The following TESC variants were observed in gnomAD, a reference collection of about 807,000 sequenced individuals.
The protein encoded by TESC is tescalcin.
A neutral mutation model predicts 31.0 loss-of-function variants in TESC; 19 were observed. The ratio of observed to expected loss-of-function variants is 0.61; its 90% CI spans 0.43 to 0.90. The LOEUF is 0.90. Among genes scored for constraint, TESC ranks in the 40% least tolerant of loss-of-function variants. TESC has a pLI of 0.00. For missense variants in TESC, 248 were observed against 303.8 expected (o/e 0.82, Z 1.36); for synonymous variants, 109 against 114.8 (o/e 0.95, Z 0.32).
chr12:117,061,133 T>C (rs1251597070), intron 2 of TESC, among the ~76,000 whole-genome samples: 1 of 152,078 alleles, frequency 6.6e-6, no homozygotes, highest in Non-Finnish European at 1.5e-5. Context: ...TTAGAGGAGA[T>C]AAAGTCTGCA....
At chr12:117,050,961 A>G (rs975893602) in intron 3 of TESC, among the ~76,000 whole-genome samples, 56 of 152,166 alleles carry the variant, frequency 3.7e-4, no homozygotes, top group African/African-American at 1.4e-3. Flanking sequence ...GATGACTCCA[A>G]ACCCAAGCTC....
rs142166153 is a variant in TESC at position 117,043,487 on chromosome 12, C to T, written c.520-1493G>A. Among the ~76,000 whole-genome samples, 607 of 152,164 alleles carry T rather than the reference C, an allele frequency of 4.0e-3. 7 individuals carry two copies. Among genetic ancestry groups the T allele is most frequent in the Non-Finnish European group, 4.9e-3 (334 of 68,002 alleles). On this transcript the variant is annotated intron_variant, in intron 6 of 7. Coordinates refer to ENST00000335209, the MANE Select transcript of TESC (RefSeq NM_017899.4). ...TTGTTTTGTTTTTGAGACAGAGTCT[C>T]GCTCTGTTGCCCAGGCTGGAGGAGT... is the stretch of plus-strand genomic sequence containing the variant.
chr12:117,039,140 C>T lies in TESC; in HGVS notation c.638G>A (p.Cys213Tyr). The change falls in exon 8 of 8, where the codon TGC becomes TAC. Residue 213 changes from cysteine to tyrosine, a missense_variant. Coordinates refer to ENST00000335209, the MANE Select transcript of TESC (RefSeq NM_017899.4). ...RFLNMETMAL[C>Y]H is the part of the protein sequence containing the mutation. ...CGCGGAGGTGGCGGTGGGTCAGTGGCAGAGGGCCATGGTTTCCATGTTAAG... is the reference window on the plus strand; with the variant it reads ...CGCGGAGGTGGCGGTGGGTCAGTGGTAGAGGGCCATGGTTTCCATGTTAAG... 1.2e-6 allele frequency: 2 copies of T among 1,613,992 alleles called. No homozygotes were observed. The highest frequency in any genetic ancestry group is 1.3e-5 in the African/African-American group (1 of 75,066).
chr12:117,054,875 C>T (rs983576919), intron 3 of TESC, among the ~76,000 whole-genome samples: 3 of 152,124 alleles, frequency 2.0e-5, no homozygotes, highest in African/African-American at 4.8e-5. Context: ...AACAGGCTGG[C>T]GGGCCTCACT....
At chr12:117,074,659 T>C (rs2135783938) in intron 2 of TESC, among the ~76,000 whole-genome samples, 1 of 152,260 alleles carries the variant, frequency 6.6e-6, no homozygotes, top group Non-Finnish European at 1.5e-5. Flanking sequence ...GGAAGGACCC[T>C]GGGATTTAAC....
intron 2 of TESC, among the ~76,000 whole-genome samples, chr12:117,060,116 A>G (rs908256079): frequency 2.6e-5 from 4 of 152,208 alleles, no homozygotes; most frequent in African/African-American, 9.7e-5. Flanking sequence ...AGTGGACTGT[A>G]CATTTTCAAT....
Position 117,049,760 on chromosome 12 carries a change from G to A in TESC, c.210-602C>T, listed in dbSNP as rs1181761962. On this transcript the variant is annotated intron_variant, in intron 3 of 7. Coordinates refer to ENST00000335209, the MANE Select transcript of TESC (RefSeq NM_017899.4). ...TAATAAAAATGCAAAAATTAGCTGG[G>A]CATGGTGGTGTGCACCTGTAGTCCC... Among the ~76,000 whole-genome samples, 3 of 152,032 alleles carry A rather than the reference G, an allele frequency of 2.0e-5. No individual in the cohort carries two copies. The South Asian group carries it at 6.2e-4, about 32-fold the overall frequency.
chr12:117,075,939 A>ATATATATATATATGTGTGTG (rs1565971757), intron 1 of TESC, among the ~76,000 whole-genome samples: 2 of 104,016 alleles, frequency 1.9e-5, no homozygotes, highest in African/African-American at 4.8e-5. Flanking sequence ...ATATATATAT[A>ATATATATATATATGTGTGTG]TGTATATATA....
chr12:117,041,275 C>T (rs558638406), intron 7 of TESC, among the ~76,000 whole-genome samples: 3 of 152,088 alleles, frequency 2.0e-5, no homozygotes, highest in African/African-American at 4.8e-5. Flanking sequence ...ACTGAGCTTC[C>T]GAGAAACACT....
At chr12:117,060,617 G>A (rs1291270098) in intron 2 of TESC, among the ~76,000 whole-genome samples, 5 of 152,096 alleles carry the variant, frequency 3.3e-5, no homozygotes, top group East Asian at 3.8e-4. Context: ...GAGCCACCTC[G>A]CTTCCCAGAG....
intron 1 of TESC, among the ~76,000 whole-genome samples, chr12:117,087,093 GAT>G (rs1165903698): frequency 6.6e-6 from 1 of 152,200 alleles, no homozygotes; most frequent in East Asian, 1.9e-4. Context: ...CATGATGCTG[GAT>G]GCTGGCTCCT....
At chr12:117,080,225 C>T (rs12308220) in intron 1 of TESC, among the ~76,000 whole-genome samples, 6,120 of 152,160 alleles carry the variant, frequency 0.04, 424 homozygotes, top group African/African-American at 0.14. Flanking sequence ...TCCAGCACTT[C>T]GGGAGGCTGA....
intron 6 of TESC, among the ~76,000 whole-genome samples, chr12:117,042,463 C>T (rs896767128): frequency 2.6e-5 from 4 of 152,220 alleles, no homozygotes; most frequent in African/African-American, 9.6e-5. Context: ...AGATTCCAGG[C>T]TAATCTAAGC....
intron 2 of TESC, among the ~76,000 whole-genome samples, chr12:117,061,579 C>T (rs962179639): frequency 6.6e-6 from 1 of 152,108 alleles, no homozygotes; most frequent in Non-Finnish European, 1.5e-5. Context: ...GAGCTGGGGA[C>T]ACAGTGTCCC....
At chr12:117,089,183 A>G (rs568962256) in intron 1 of TESC, among the ~76,000 whole-genome samples, 18 of 152,370 alleles carry the variant, frequency 1.2e-4, no homozygotes, top group African/African-American at 3.8e-4. Flanking sequence ...TGAGCCACAC[A>G]CTGGTGAAAA....
At chr12:117,047,300 A>G (rs1005427587) in intron 4 of TESC, among the ~76,000 whole-genome samples, 37 of 152,194 alleles carry the variant, frequency 2.4e-4, no homozygotes, top group African/African-American at 8.9e-4. Flanking sequence ...GACTGATCTA[A>G]CATGGGCAGC....
chr12:117,070,186 C>T (rs1954946982), intron 2 of TESC, among the ~76,000 whole-genome samples: 1 of 152,204 alleles, frequency 6.6e-6, no homozygotes, highest in African/African-American at 2.4e-5. Flanking sequence ...CCTGGGGTCA[C>T]TTAGAAAACC....
chr12:117,039,273 C>G (rs1362477650), intron 7 of TESC, 63 bp from the exon 8 acceptor site: 12 of 1,505,368 alleles, frequency 8.0e-6, no homozygotes, highest in Non-Finnish European at 1.0e-5. Flanking sequence ...TGACCAGGCC[C>G]CCCGGTCCTC....
intron 2 of TESC, among the ~76,000 whole-genome samples, chr12:117,061,875 T>C (rs1954804516): frequency 6.6e-6 from 1 of 152,080 alleles, no homozygotes; most frequent in African/African-American, 2.4e-5. Context: ...TCTTGAGTAA[T>C]CACAGCATGT....
Sources: allele counts gnomAD v4.1 joint callset (sites outside exome capture counted in the v4.1 genomes callset), GRCh38; gene constraint gnomAD v4.1.1; transcripts MANE v1.5; gene names NCBI Gene and HGNC (gene_info 2026-07-23, HGNC 2026-07-21).